Variants in WNT9B observed in about 807,000 individuals in gnomAD.
The protein encoded by WNT9B is protein Wnt-9b.
WNT9B carries 12 observed loss-of-function variants against 30.2 expected under a neutral mutation model. The observed-to-expected ratio is 0.40, with a 90% CI of 0.26 to 0.64. WNT9B has a LOEUF of 0.64. Among genes scored for constraint, WNT9B ranks in the 30% least tolerant of loss-of-function variants. The pLI is 0.42. For synonymous variants in WNT9B, 218 were observed against 216.9 expected, an observed-to-expected ratio of 1.01 and a Z score of -0.05; for missense variants, 442 against 485.2, an observed-to-expected ratio of 0.91 and a Z score of 0.84.
Position 46,876,976 on chromosome 17 carries a change from A to G in WNT9B, c.*258A>G, listed in dbSNP as rs1241175218. On this transcript the variant is annotated 3_prime_UTR_variant, in exon 4 of 4. Coordinates refer to ENST00000290015, the MANE Select transcript of WNT9B (RefSeq NM_003396.3). ...GTTGAGGACTTGGAGAGGAGGGCAGAGTGAGAAAGACATGGAGGGAAATAA... is the reference window on the plus strand; with the variant it reads ...GTTGAGGACTTGGAGAGGAGGGCAGGGTGAGAAAGACATGGAGGGAAATAA... 1 of 1,292,456 alleles carries G rather than the reference A, an allele frequency of 7.7e-7. No homozygotes were observed. Among genetic ancestry groups the G allele is most frequent in the Non-Finnish European group, 9.8e-7 (1 of 1,023,584 alleles). The allele number at this position is 1,292,456 out of a possible 1,614,324, so 80.1% of individuals were successfully genotyped here.
chr17:46,834,869 C>G (rs1048415282), intron 1 of WNT9B, among the ~76,000 whole-genome samples: 8 of 152,212 alleles, frequency 5.3e-5, no homozygotes, highest in African/African-American at 1.7e-4. Flanking sequence ...TCTCTGGAGG[C>G]CCACCTTACC....
upstream of WNT9B, among the ~76,000 whole-genome samples, chr17:46,850,507 C>T (rs537410844): frequency 6.6e-6 from 1 of 152,290 alleles, no homozygotes; most frequent in South Asian, 2.1e-4. Flanking sequence ...GCCAAGGTCG[C>T]AGTCACTTGA....
At chr17:46,882,769 A>G (rs2085440096), downstream of WNT9B, among the ~76,000 whole-genome samples, 1 of 152,158 alleles carries the variant, frequency 6.6e-6, no homozygotes, top group Non-Finnish European at 1.5e-5. Flanking sequence ...GGCACGTGAC[A>G]GGGTCCTAGA....
chr17:46,872,282 G>C (rs561493326), intron 1 of WNT9B, among the ~76,000 whole-genome samples: 1 of 152,352 alleles, frequency 6.6e-6, no homozygotes, highest in South Asian at 2.1e-4. Context: ...TAGGAAAATA[G>C]GGTGGATAAG....
chr17:46,852,475 T>G, intron 1 of WNT9B, among the ~76,000 whole-genome samples: 1 of 124,780 alleles, frequency 8.0e-6, no homozygotes, highest in African/African-American at 3.1e-5. Flanking sequence ...CAGTGGGGGG[T>G]GACACCTGGG....
At position 46,872,528 on chromosome 17, in the gene WNT9B, G is replaced by T; in HGVS notation, c.89G>T (p.Arg30Leu). The T allele has an allele frequency of 3.2e-6, 5 of 1,543,948 alleles. No homozygotes were observed. The highest frequency in any genetic ancestry group is 4.4e-6 in the Non-Finnish European group (5 of 1,142,656). ...AAASYFGLTGREVLTPFPGLG... is the reference protein window; with the variant it reads ...AAASYFGLTGLEVLTPFPGLG... The stretch of plus-strand genomic sequence containing the variant: ...CTCGCTCTCTCTAGCCTGACCGGGC[G>T]GGAAGTCCTGACGCCCTTCCCAGGA... The change falls in exon 2 of 4, where the codon CGG (arginine) becomes CTG (leucine). Residue 30 changes from arginine to leucine, a missense_variant. Coordinates refer to ENST00000290015, the MANE Select transcript of WNT9B (RefSeq NM_003396.3).
In WNT9B at chr17:46,878,190, C is replaced by T. The variant is rs1193026346; in HGVS notation, c.*1472C>T. On this transcript the variant is annotated 3_prime_UTR_variant, in exon 4 of 4. Transcript: ENST00000290015. ...CCACCCAGGAGGAAGTGACTTCTTTCGGGAAGCCCTTGGCCACTTTGCTGG... is the reference window on the plus strand; with the variant it reads ...CCACCCAGGAGGAAGTGACTTCTTTTGGGAAGCCCTTGGCCACTTTGCTGG... Among the ~76,000 whole-genome samples the T allele has an allele frequency of 2.0e-5, 3 of 152,252 alleles. No homozygotes were observed. The highest frequency in any genetic ancestry group is 2.9e-5 in the Non-Finnish European group (2 of 68,050).
upstream of WNT9B, among the ~76,000 whole-genome samples, chr17:46,847,378 A>G (rs1470885147): frequency 6.6e-6 from 1 of 152,212 alleles, no homozygotes. Context: ...CATCTGTATA[A>G]TGGGGACAAT....
chr17:46,857,266 C>T (rs1473475007), intron 1 of WNT9B, among the ~76,000 whole-genome samples: 3 of 151,888 alleles, frequency 2.0e-5, no homozygotes, highest in Admixed American at 6.6e-5. Context: ...GTCTGGAGTT[C>T]GAGACCAGCC....
At chr17:46,872,398 G>A (rs1440547435) in intron 1 of WNT9B, 119 bp from the exon 2 acceptor site, 6 of 1,350,304 alleles carry the variant, frequency 4.4e-6, no homozygotes, top group Admixed American at 5.7e-5. Flanking sequence ...GACCTCCAGC[G>A]GGTCAGCCTG....
intron 2 of WNT9B, 69 bp from the exon 3 acceptor site, chr17:46,875,032 C>T: frequency 1.2e-6 from 2 of 1,612,564 alleles, no homozygotes; most frequent in African/African-American, 1.3e-5. Flanking sequence ...CGGCAGGCAA[C>T]CTCTAAGCTT....
chr17:46,869,426 G>A (rs1018598630), intron 1 of WNT9B, among the ~76,000 whole-genome samples: 1 of 152,210 alleles, frequency 6.6e-6, no homozygotes, highest in Non-Finnish European at 1.5e-5. Context: ...ATTGTGGTTG[G>A]AGTGGAGCCG....
chr17:46,876,728 C>G lies in WNT9B; in HGVS notation c.*10C>G. On this transcript the variant is annotated 3_prime_UTR_variant, in exon 4 of 4. Coordinates refer to ENST00000290015, the MANE Select transcript of WNT9B (RefSeq NM_003396.3). ...CACCTGCAAGCACTAGGCCTACTGC[C>G]CAGCAAGCCAGTCTGGCACTGCCAG... The G allele has an allele frequency of 6.6e-7, 1 of 1,524,104 alleles. No homozygotes were observed. The highest frequency in any genetic ancestry group is 8.8e-7 in the Non-Finnish European group (1 of 1,132,842). 94.4% of individuals were successfully genotyped at this position (1,524,104 alleles called of 1,614,324 possible). A position where few individuals can be genotyped will look rare whatever the true frequency, so the allele number is the denominator to read the frequency against.
intron 1 of WNT9B, among the ~76,000 whole-genome samples, chr17:46,845,551 ACAAT>A (rs2084766354): frequency 7.1e-6 from 1 of 141,742 alleles, no homozygotes; most frequent in South Asian, 2.3e-4. Context: ...GTGCAGTGGC[ACAAT>A]CTCGGCTCAC....
intron 1 of WNT9B, among the ~76,000 whole-genome samples, chr17:46,871,240 G>C (rs2085239109): frequency 1.3e-5 from 2 of 152,124 alleles, no homozygotes; most frequent in Non-Finnish European, 2.9e-5. Flanking sequence ...TATGAGGCCA[G>C]GATATCCCAG....
At chr17:46,838,531 G>T (rs2084660594) in intron 1 of WNT9B, among the ~76,000 whole-genome samples, 1 of 152,024 alleles carries the variant, frequency 6.6e-6, no homozygotes, top group African/African-American at 2.4e-5. Context: ...GGAGGCTAAG[G>T]CAGGAGGATC....
At chr17:46,881,890 A>G (rs971899557), downstream of WNT9B, among the ~76,000 whole-genome samples, 5 of 152,258 alleles carry the variant, frequency 3.3e-5, no homozygotes, top group Admixed American at 3.3e-4. Context: ...ATTCTCCAAC[A>G]GAACCACAAG....
At chr17:46,873,086 TCACAC>T (rs1280836253) in intron 2 of WNT9B, among the ~76,000 whole-genome samples, 1 of 139,820 alleles carries the variant, frequency 7.2e-6, no homozygotes, top group Non-Finnish European at 1.5e-5. Context: ...CTCTGCCTCT[TCACAC>T]ACACACACAC....
intron 2 of WNT9B, among the ~76,000 whole-genome samples, chr17:46,873,444 C>T (rs913689129): frequency 6.6e-6 from 1 of 152,070 alleles, no homozygotes; most frequent in Non-Finnish European, 1.5e-5. Context: ...CCATGTGACT[C>T]CCTTGCCAAG....
Sources: allele counts gnomAD v4.1 joint callset (sites outside exome capture counted in the v4.1 genomes callset), GRCh38; gene constraint gnomAD v4.1.1; transcripts MANE v1.5; gene names NCBI Gene and HGNC (gene_info 2026-07-23, HGNC 2026-07-21).